Variants in IGF1R observed in about 807,000 individuals in gnomAD.
The protein encoded by IGF1R is insulin like growth factor 1 receptor.
A neutral mutation model predicts 144.6 loss-of-function variants in IGF1R; 44 were observed. That is an observed-to-expected ratio of 0.30 (90% CI 0.24 to 0.39). The LOEUF is 0.39. Among genes scored for constraint, IGF1R ranks in the 10% least tolerant of loss-of-function variants. IGF1R has a pLI of 1.00. For synonymous variants in IGF1R, 795 were observed against 722.8 expected (o/e 1.10, Z -1.60); for missense variants, 1,355 against 1,833.7 (o/e 0.74, Z 4.77).
intron 1 of IGF1R, among the ~76,000 whole-genome samples, chr15:98,705,919 T>G (rs535741152): frequency 6.6e-6 from 1 of 152,248 alleles, no homozygotes; most frequent in Non-Finnish European, 1.5e-5. Flanking sequence ...CTCTTCACCC[T>G]GACCATCAGA....
chr15:98,724,460 A>G (rs2077204614), intron 2 of IGF1R, among the ~76,000 whole-genome samples: 1 of 152,220 alleles, frequency 6.6e-6, no homozygotes, highest in Non-Finnish European at 1.5e-5. Context: ...CAGCAGCCCC[A>G]GTGAGAGCTC....
At chr15:98,808,436 A>G (rs1206604339) in intron 2 of IGF1R, among the ~76,000 whole-genome samples, 1 of 152,206 alleles carries the variant, frequency 6.6e-6, no homozygotes, top group Non-Finnish European at 1.5e-5. Flanking sequence ...ACTGTGATAT[A>G]AGAATGATCA....
In IGF1R at chr15:98,777,984, G is replaced by C. The variant is rs191725916; in HGVS notation, c.640+69877G>C. On this transcript the variant is annotated intron_variant, in intron 2 of 20. Coordinates refer to ENST00000650285, the MANE Select transcript of IGF1R (RefSeq NM_000875.5). ...AGATGCTCTTTTGTTTTTGATGTGT[G>C]TACGGGGGTTAGATATTTATTGAGC... Among the ~76,000 whole-genome samples, 79 of 152,306 alleles carry C rather than the reference G, an allele frequency of 5.2e-4. 1 individual carries two copies. Among genetic ancestry groups the C allele is most frequent in the African/African-American group, 1.8e-3 (73 of 41,566 alleles).
chr15:98,679,475 G>T (rs1236273018), intron 1 of IGF1R, among the ~76,000 whole-genome samples: 2 of 152,202 alleles, frequency 1.3e-5, no homozygotes, highest in African/African-American at 4.8e-5. Context: ...AGTCCCATGA[G>T]ATTATAATGG....
At position 98,958,591 on chromosome 15, in the gene IGF1R, T is replaced by C; in HGVS notation, c.*1149T>C. 1 of 232,952 alleles carries C rather than the reference T, an allele frequency of 4.3e-6. No homozygotes were observed. The highest frequency in any genetic ancestry group is 1.8e-4 in the South Asian group (1 of 5,522). 14.4% of individuals were successfully genotyped at this position (232,952 alleles called of 1,614,324 possible). A position where few individuals can be genotyped will look rare whatever the true frequency, so the allele number is the denominator to read the frequency against. ...TTTCTCTGTTCCTAGGACTTCTTCA[T>C]GGGTCTTACAGTTCTATGTTAGACC... On this transcript the variant is annotated 3_prime_UTR_variant, in exon 21 of 21. Coordinates refer to ENST00000650285, the MANE Select transcript of IGF1R (RefSeq NM_000875.5).
At position 98,963,035 on chromosome 15, in the gene IGF1R, C is replaced by T. The variant is rs1188226558; in HGVS notation, c.*5593C>T. 4.3e-6 allele frequency: 1 copy of T among 233,418 alleles called. No homozygotes were observed. Among genetic ancestry groups the T allele is most frequent in the Non-Finnish European group, 8.5e-6 (1 of 118,022 alleles). 14.5% of individuals were successfully genotyped at this position (233,418 alleles called of 1,614,324 possible). On this transcript the variant is annotated 3_prime_UTR_variant, in exon 21 of 21. Transcript: ENST00000650285. ...AGCGTTTTCAATAGGGCTCTTAAGT[C>T]CAGTAGATTACGGGTAGTCAGTTGA...
chr15:98,881,276 A>C (rs1486136981), intron 2 of IGF1R, among the ~76,000 whole-genome samples: 1 of 152,002 alleles, frequency 6.6e-6, no homozygotes, highest in African/African-American at 2.4e-5. Context: ...GCATGAGATG[A>C]ACTCCCATAG....
At chr15:98,873,222 G>A (rs2012878940) in intron 2 of IGF1R, among the ~76,000 whole-genome samples, 1 of 152,142 alleles carries the variant, frequency 6.6e-6, no homozygotes, top group Non-Finnish European at 1.5e-5. Flanking sequence ...GTAATAACCT[G>A]AGGCACATCA....
At chr15:98,906,224 C>T (rs1302198194) in intron 5 of IGF1R, among the ~76,000 whole-genome samples, 1 of 152,178 alleles carries the variant, frequency 6.6e-6, no homozygotes, top group African/African-American at 2.4e-5. Flanking sequence ...ATGTTTTGTT[C>T]AGAAGGTATT....
chr15:98,896,440 C>T (rs2014201859), intron 3 of IGF1R, among the ~76,000 whole-genome samples: 1 of 152,192 alleles, frequency 6.6e-6, no homozygotes, highest in Non-Finnish European at 1.5e-5. Flanking sequence ...ACTGTCTCTC[C>T]CACATGGAAC....
intron 1 of IGF1R, among the ~76,000 whole-genome samples, chr15:98,701,798 A>T (rs1422906772): frequency 6.6e-6 from 1 of 152,202 alleles, no homozygotes; most frequent in Non-Finnish European, 1.5e-5. Flanking sequence ...TAATATTTAC[A>T]TTGGGGCAAC....
At chr15:98,827,348 A>T (rs953410596) in intron 2 of IGF1R, among the ~76,000 whole-genome samples, 4 of 152,172 alleles carry the variant, frequency 2.6e-5, no homozygotes, top group Non-Finnish European at 5.9e-5. Flanking sequence ...AATGTATACC[A>T]TGAAGACCCC....
At chr15:98,861,424 G>T (rs551661666) in intron 2 of IGF1R, among the ~76,000 whole-genome samples, 2 of 152,224 alleles carry the variant, frequency 1.3e-5, no homozygotes, top group East Asian at 1.9e-4. Context: ...TGCATGCAGC[G>T]CTGGTGCTCC....
chr15:98,754,492 A>G (rs1333464390), intron 2 of IGF1R, among the ~76,000 whole-genome samples: 2 of 152,130 alleles, frequency 1.3e-5, no homozygotes, highest in South Asian at 2.1e-4. Context: ...TAAACTCCCA[A>G]CATGAAAACT....
At chr15:98,700,710 C>G (rs1266827773) in intron 1 of IGF1R, among the ~76,000 whole-genome samples, 5 of 152,152 alleles carry the variant, frequency 3.3e-5, no homozygotes, top group African/African-American at 9.6e-5. Flanking sequence ...TGGGATTCCC[C>G]CAGCTGCCAC....
chr15:98,772,623 A>C (rs2055616246), intron 2 of IGF1R, among the ~76,000 whole-genome samples: 1 of 151,548 alleles, frequency 6.6e-6, no homozygotes, highest in Non-Finnish European at 1.5e-5. Context: ...CAGCCTCTCT[A>C]GCAGCTAGAA....
intron 18 of IGF1R, among the ~76,000 whole-genome samples, chr15:98,942,632 G>A (rs45606835): frequency 0.047 from 7,092 of 152,214 alleles, 213 homozygotes; most frequent in African/African-American, 0.085. Context: ...GAGTCACTGC[G>A]CTCAGCCTGC....
chr15:98,773,069 G>T (rs929427673), intron 2 of IGF1R, among the ~76,000 whole-genome samples: 1 of 152,116 alleles, frequency 6.6e-6, no homozygotes, highest in Non-Finnish European at 1.5e-5. Context: ...GCTCATCTGT[G>T]GCCAAGTATA....
At position 98,929,791 on chromosome 15, in the gene IGF1R, A is replaced by G. The variant is rs898452951; in HGVS notation, c.2885+131A>G. 5.4e-6 allele frequency: 4 copies of G among 740,758 alleles called. No homozygotes were observed. In the Admixed American group the frequency reaches 6.1e-5, roughly 11 times the overall value. The allele number at this position is 740,758 out of a possible 1,614,324, so 45.9% of individuals were successfully genotyped here. Reference sequence around the variant, plus strand: ...ACTGGAAAACCTGATTTTCCCATCAAATGTTCTTCCAGGAAAAGAGAACCT... The same window carrying G: ...ACTGGAAAACCTGATTTTCCCATCAGATGTTCTTCCAGGAAAAGAGAACCT... On this transcript the variant is annotated intron_variant, in intron 14 of 20. Coordinates refer to ENST00000650285, the MANE Select transcript of IGF1R (RefSeq NM_000875.5).
Sources: allele counts gnomAD v4.1 joint callset (sites outside exome capture counted in the v4.1 genomes callset), GRCh38; gene constraint gnomAD v4.1.1; transcripts MANE v1.5; gene names NCBI Gene and HGNC (gene_info 2026-07-23, HGNC 2026-07-21).